The following SGCD variants were observed in gnomAD, a reference collection of about 807,000 sequenced individuals.
SGCD encodes delta-sarcoglycan.
A neutral mutation model predicts 36.6 loss-of-function variants in SGCD; 18 were observed. The observed-to-expected ratio is 0.49, with a 90% confidence interval of 0.34 to 0.73. The LOEUF (loss-of-function observed/expected upper bound fraction) is 0.73, where lower values mean the gene tolerates loss of function less well. SGCD is among the 30% of genes least tolerant of loss of function. The probability of loss-of-function intolerance (pLI) is 0.01; values close to 1 mark genes in which losing one functional copy is unlikely to be tolerated. For synonymous variants in SGCD, 133 were observed against 130.6 expected, an observed-to-expected ratio of 1.02 and a Z score of -0.12; for missense variants, 387 against 346.7, an observed-to-expected ratio of 1.12 and a Z score of -0.92.
chr5:156,166,460 A>G (rs1763217218), intron 3 of SGCD, among the ~76,000 whole-genome samples: 2 of 152,070 alleles, frequency 1.3e-5, no homozygotes. Context: ...GGGACTACAG[A>G]TGCCAGACAC....
At chr5:156,029,626 C>G (rs994445438) in intron 1 of SGCD, among the ~76,000 whole-genome samples, 1 of 152,072 alleles carries the variant, frequency 6.6e-6, no homozygotes, top group Admixed American at 6.6e-5. Context: ...AATTTAGAAG[C>G]CAGCCAGGGA....
chr5:155,876,936 G>C (rs949711766), intron 1 of SGCD, among the ~76,000 whole-genome samples: 3 of 152,034 alleles, frequency 2.0e-5, no homozygotes, highest in African/African-American at 7.2e-5. Flanking sequence ...TGGCACAGTA[G>C]AAACCAACTG....
At chr5:156,234,709 C>G (rs1765111545) in intron 3 of SGCD, among the ~76,000 whole-genome samples, 1 of 152,112 alleles carries the variant, frequency 6.6e-6, no homozygotes, top group African/African-American at 2.4e-5. Flanking sequence ...TAGACACTTG[C>G]TGGAAAACTT....
chr5:156,727,547 T>C (rs558576918), intron 7 of SGCD, among the ~76,000 whole-genome samples: 14 of 152,308 alleles, frequency 9.2e-5, no homozygotes, highest in Non-Finnish European at 1.8e-4. Context: ...TTCAAAATAT[T>C]AGCAAAAACT....
At chr5:156,195,121 T>G (rs753137772) in intron 3 of SGCD, among the ~76,000 whole-genome samples, 5 of 152,224 alleles carry the variant, frequency 3.3e-5, no homozygotes, top group Non-Finnish European at 5.9e-5. Context: ...CTGTTTCCAT[T>G]GTAAATGGTG....
chr5:156,694,608 C>A (rs1453783720), intron 7 of SGCD, among the ~76,000 whole-genome samples: 1 of 152,022 alleles, frequency 6.6e-6, no homozygotes, highest in African/African-American at 2.4e-5. Context: ...TAAAACCAGA[C>A]CCTGGTACTT....
chr5:156,016,748 T>C (rs747761843), intron 1 of SGCD, among the ~76,000 whole-genome samples: 18 of 152,200 alleles, frequency 1.2e-4, no homozygotes, highest in Non-Finnish European at 1.8e-4. Flanking sequence ...TCTTTGTAGT[T>C]GCTGGGTTCC....
At chr5:155,974,944 A>G (rs1405764699) in intron 1 of SGCD, among the ~76,000 whole-genome samples, 1 of 151,948 alleles carries the variant, frequency 6.6e-6, no homozygotes, top group Non-Finnish European at 1.5e-5. Flanking sequence ...ACCCTCTCCC[A>G]AGTCTATTTT....
At chr5:156,519,863 C>T (rs1757330070) in intron 4 of SGCD, among the ~76,000 whole-genome samples, 1 of 152,112 alleles carries the variant, frequency 6.6e-6, no homozygotes, top group South Asian at 2.1e-4. Flanking sequence ...AAGAAACATT[C>T]CTCAAAATAA....
intron 1 of SGCD, among the ~76,000 whole-genome samples, chr5:156,081,260 C>G (rs1760944667): frequency 6.6e-6 from 1 of 152,182 alleles, no homozygotes; most frequent in Non-Finnish European, 1.5e-5. Flanking sequence ...TGAGGACGCA[C>G]TCACTATCAT....
intron 6 of SGCD, among the ~76,000 whole-genome samples, chr5:156,608,849 C>T (rs374623701): frequency 1.0e-4 from 15 of 149,598 alleles, no homozygotes; most frequent in African/African-American, 2.0e-4. Context: ...CTGTTTTATC[C>T]GAGACTAGGA....
At chr5:156,704,217 C>T (rs1754648683) in intron 7 of SGCD, 1 of 152,136 alleles carries the variant, frequency 6.6e-6, no homozygotes, top group Admixed American at 6.6e-5. Flanking sequence ...CTCAGGAAGG[C>T]TCTTGCATAG....
chr5:156,464,159 A>G (rs1335784808), intron 3 of SGCD, among the ~76,000 whole-genome samples: 2 of 151,744 alleles, frequency 1.3e-5, no homozygotes, highest in Non-Finnish European at 2.9e-5. Context: ...AAGATTATGT[A>G]GCTTGCCCCC....
At chr5:156,014,336 GAAAA>G (rs1758920416) in intron 1 of SGCD, among the ~76,000 whole-genome samples, 1 of 152,020 alleles carries the variant, frequency 6.6e-6, no homozygotes, top group Non-Finnish European at 1.5e-5. Flanking sequence ...TAAACCTGCA[GAAAA>G]TTTACCAGAA....
the SGCD span, among the ~76,000 whole-genome samples, chr5:155,863,982 T>C: frequency 6.6e-6 from 1 of 151,958 alleles, no homozygotes; most frequent in Non-Finnish European, 1.5e-5. Flanking sequence ...CATTAGATAG[T>C]GGTAACTGCT....
chr5:156,552,417 A>G (rs568973671), intron 4 of SGCD, among the ~76,000 whole-genome samples: 48 of 152,284 alleles, frequency 3.2e-4, no homozygotes, highest in African/African-American at 1.1e-3. Flanking sequence ...TGGAGATACC[A>G]TGGTTCATGT....
chr5:155,992,566 C>T (rs1470586744), intron 1 of SGCD, among the ~76,000 whole-genome samples: 1 of 152,058 alleles, frequency 6.6e-6, no homozygotes, highest in Non-Finnish European at 1.5e-5. Flanking sequence ...CAGGAATTCC[C>T]CCTACCATGA....
chr5:155,838,902 A>G, the SGCD span, among the ~76,000 whole-genome samples: 1 of 152,170 alleles, frequency 6.6e-6, no homozygotes, highest in African/African-American at 2.4e-5. Context: ...AGGCATCTCA[A>G]TCAATCAGAG....
chr5:156,693,156 A>ATAAC lies in SGCD; in HGVS notation c.575+45622_575+45625dup, dbSNP rs939224701. On this transcript the variant is annotated intron_variant, in intron 7 of 8. Coordinates refer to ENST00000337851, the MANE Select transcript of SGCD (RefSeq NM_000337.6). The stretch of plus-strand genomic sequence containing the variant: ...CCTTAGCCATATTCAACCAGAACTT[A>ATAAC]TAACTTTCTGATGTTCCATTTGGTA... 7.6e-4 allele frequency among the ~76,000 whole-genome samples: 116 copies of ATAAC among 152,338 alleles called. 1 individual carries two copies. Among genetic ancestry groups the ATAAC allele is most frequent in the African/African-American group, 2.7e-3 (111 of 41,592 alleles).
Sources: allele counts gnomAD v4.1 joint callset (sites outside exome capture counted in the v4.1 genomes callset), GRCh38; gene constraint gnomAD v4.1.1; transcripts MANE v1.5; gene names NCBI Gene and HGNC (gene_info 2026-07-23, HGNC 2026-07-21).